MYOCD: variants seen among roughly 807,000 people sequenced by gnomAD.
MYOCD encodes myocardin.
A neutral mutation model predicts 96.1 loss-of-function variants in MYOCD; 32 were observed. That is an observed-to-expected ratio of 0.33 (90% CI 0.25 to 0.45). The LOEUF (loss-of-function observed/expected upper bound fraction) is 0.45, where lower values mean the gene tolerates loss of function less well. Among genes scored for constraint, MYOCD ranks in the 20% least tolerant of loss-of-function variants. MYOCD has a pLI of 1.00. For synonymous variants in MYOCD, 469 were observed against 469.0 expected (o/e 1.00, Z 0.00); for missense variants, 1,133 against 1,200.6 (o/e 0.94, Z 0.83).
intron 9 of MYOCD, among the ~76,000 whole-genome samples, chr17:12,750,725 T>A (rs890069943): frequency 1.4e-5 from 2 of 147,604 alleles, no homozygotes; most frequent in South Asian, 2.2e-4. Flanking sequence ...GCTACTTAAC[T>A]AACACAAAGT....
At chr17:12,747,939 C>T (rs1180553285) in intron 9 of MYOCD, among the ~76,000 whole-genome samples, 5 of 149,138 alleles carry the variant, frequency 3.4e-5, no homozygotes, top group South Asian at 2.1e-4. Flanking sequence ...CTGCGGTAGG[C>T]GGATCATGAA....
chr17:12,736,935 C>T (rs2032363502), intron 6 of MYOCD, among the ~76,000 whole-genome samples: 1 of 152,190 alleles, frequency 6.6e-6, no homozygotes, highest in Non-Finnish European at 1.5e-5. Context: ...ATTGAGAATA[C>T]TCTTAAAGCA....
rs545292676 is a variant in MYOCD at position 12,711,191 on chromosome 17, T to TA, written c.122-4320dup. 4.1e-4 allele frequency among the ~76,000 whole-genome samples: 63 copies of TA among 152,092 alleles called. 2 individuals are homozygous for TA. The highest frequency in any genetic ancestry group is 9.6e-5 in the African/African-American group (4 of 41,496). On this transcript the variant is annotated intron_variant, in intron 2 of 13. Transcript: ENST00000425538. ...CTCCAAAGCATTATCATTATATATA[T>TA]AAAAAAAATTCTCATGACCCAATTT...
chr17:12,744,596 C>A (rs560628776), intron 8 of MYOCD, among the ~76,000 whole-genome samples, 160 bp downstream of exon 8: 1 of 152,300 alleles, frequency 6.6e-6, no homozygotes, highest in Non-Finnish European at 1.5e-5. Flanking sequence ...ACTATGCACA[C>A]CTTTTCAGAG....
intron 11 of MYOCD, among the ~76,000 whole-genome samples, chr17:12,756,864 G>GA (rs1567602040): frequency 3.4e-4 from 52 of 152,170 alleles, no homozygotes; most frequent in African/African-American, 1.2e-3. Flanking sequence ...TCCCTTTCAA[G>GA]GCAGAAGTAA....
rs769021386 is a variant in MYOCD, at chr17:12,665,931, T to C, written c.-258T>C. ...TGACATCAGACAGGAACGCCTGGGA[T>C]GCCGCGCTGCTCCTGGCCAACCTCC... On this transcript the variant is annotated 5_prime_UTR_variant, in exon 1 of 14. The change abolishes an upstream ATG in the 5' untranslated region. Transcript: ENST00000425538. This position sits in a 1 kb window ranked among gnomAD's most constrained non-coding sequence, Gnocchi z 4.2. 68 of 519,550 alleles carry C rather than the reference T, an allele frequency of 1.3e-4. No homozygotes were observed. Among genetic ancestry groups the C allele is most frequent in the Non-Finnish European group, 1.7e-4 (51 of 292,040 alleles). 32.2% of individuals were successfully genotyped at this position (519,550 alleles called of 1,614,324 possible).
chr17:12,681,110 C>T (rs563816987), intron 1 of MYOCD, among the ~76,000 whole-genome samples: 19 of 152,314 alleles, frequency 1.2e-4, no homozygotes, highest in African/African-American at 4.3e-4. Flanking sequence ...GGGACTTGAT[C>T]TCATGCACCT....
chr17:12,700,559 A>G (rs138793434), intron 1 of MYOCD, among the ~76,000 whole-genome samples: 3,247 of 149,286 alleles, frequency 0.022, 148 homozygotes, highest in Admixed American at 0.11. Context: ...GACTACAGGC[A>G]CCCCCCACCA....
Position 12,715,587 on chromosome 17 carries a change from A to G in MYOCD, c.177+13A>G. ...GGATAGTGACAAGGTAATTTTTGCAAATTTCTTGACCCAAGCTTAGACTAT... is the reference window on the plus strand; with the variant it reads ...GGATAGTGACAAGGTAATTTTTGCAGATTTCTTGACCCAAGCTTAGACTAT... On this transcript the variant is annotated intron_variant, in intron 3 of 13. Transcript: ENST00000425538. 1 of 1,610,214 alleles carries G rather than the reference A, an allele frequency of 6.2e-7. No individual in the cohort carries two copies. Among genetic ancestry groups the G allele is most frequent in the Non-Finnish European group, 8.5e-7 (1 of 1,176,808 alleles).
Position 12,763,781 on chromosome 17 carries a change from A to G in MYOCD, c.*137A>G. 1 of 792,568 alleles carries G rather than the reference A, an allele frequency of 1.3e-6. No individual in the cohort carries two copies. Among genetic ancestry groups the G allele is most frequent in the African/African-American group, 1.7e-5 (1 of 57,208 alleles). 49.1% of individuals were successfully genotyped at this position (792,568 alleles called of 1,614,324 possible). On this transcript the variant is annotated 3_prime_UTR_variant, in exon 14 of 14. Coordinates refer to ENST00000425538, the MANE Select transcript of MYOCD (RefSeq NM_001146312.3). Reference sequence around the variant, plus strand: ...GAAGCAATGATTTCTGTGCCAATGAACAAGAACAAAAGTCATTTTTAGAAA... The same window carrying G: ...GAAGCAATGATTTCTGTGCCAATGAGCAAGAACAAAAGTCATTTTTAGAAA...
Position 12,752,589 on chromosome 17 carries a change from A to G in MYOCD, c.1301A>G (p.Gln434Arg), listed in dbSNP as rs764329917. 2 of 1,614,054 alleles carry G rather than the reference A, an allele frequency of 1.2e-6. No individual in the cohort carries two copies. Among genetic ancestry groups the G allele is most frequent in the Non-Finnish European group, 1.7e-6 (2 of 1,180,006 alleles). ...PVTPNTLPNY[Q>R]SSSSTSALSN... ...ACACCCAACACGCTGCCCAATTACC[A>G]GTCTTCCTCTTCTACCAGTGCCCTG... Residue 434 changes from glutamine to arginine, a missense_variant, in exon 10 of 14, where the codon CAG becomes CGG. By Grantham distance (43) the Gln-to-Arg change is conservative (BLOSUM62 1). Transcript: ENST00000425538.
chr17:12,760,835 C>A, intron 13 of MYOCD, 128 bp downstream of exon 13: 2 of 757,076 alleles, frequency 2.6e-6, no homozygotes, highest in South Asian at 1.6e-5. Context: ...CAGGGAGAGC[C>A]ATTTCCTTTG....
At position 12,758,068 on chromosome 17, in the gene MYOCD, A is replaced by C. The variant is rs1481922136; in HGVS notation, c.2203-17A>C. On this transcript the variant is annotated splice_polypyrimidine_tract_variant and intron_variant, in intron 11 of 13. Transcript: ENST00000425538. The stretch of plus-strand genomic sequence containing the variant: ...ATCCATGAATTCAATGCCTTTCTTC[A>C]TATTTTACCCATGCAGATGGCTGGT... The C allele has an allele frequency of 6.4e-7, 1 of 1,563,528 alleles. No homozygotes were observed. The highest frequency in any genetic ancestry group is 1.7e-5 in the Admixed American group (1 of 59,894).
At chr17:12,750,547 G>T (rs1025121762) in intron 9 of MYOCD, among the ~76,000 whole-genome samples, 3 of 151,976 alleles carry the variant, frequency 2.0e-5, no homozygotes, top group African/African-American at 7.2e-5. Context: ...AAATTAGCCC[G>T]GTGTGGTGGT....
intron 13 of MYOCD, 45 bp from the exon 14 acceptor site, chr17:12,763,028 T>G: frequency 6.6e-7 from 1 of 1,505,954 alleles, no homozygotes; most frequent in Non-Finnish European, 9.0e-7. Flanking sequence ...TGTGGCATGC[T>G]CAATTTGAAG....
rs1324482542 is a variant in MYOCD, at chr17:12,763,387, C to T, written c.2704C>T (p.His902Tyr). ...GGCTGCAGAAGACCTCTTCAATGCA[C>T]ATGAGATCTTGCCAGGCCCCCTCTC... The part of the protein sequence containing the change: ...GKAAEDLFNA[H>Y]EILPGPLSPM... The change falls in exon 14 of 14, where the codon CAT becomes TAT. Residue 902 changes from histidine (H) to tyrosine (Y), a missense_variant. Coordinates refer to ENST00000425538, the MANE Select transcript of MYOCD (RefSeq NM_001146312.3). 6.2e-7 allele frequency: 1 copy of T among 1,602,560 alleles called. No homozygotes were observed. Among genetic ancestry groups the T allele is most frequent in the Non-Finnish European group, 8.5e-7 (1 of 1,173,580 alleles).
At chr17:12,695,840 C>T (rs1366948349) in intron 1 of MYOCD, among the ~76,000 whole-genome samples, 2 of 150,392 alleles carry the variant, frequency 1.3e-5, no homozygotes, top group Non-Finnish European at 3.0e-5. Flanking sequence ...AAACTATAAC[C>T]CCCCATTCTC....
intron 1 of MYOCD, among the ~76,000 whole-genome samples, chr17:12,693,468 G>C (rs1238563244): frequency 2.0e-5 from 3 of 151,906 alleles, no homozygotes; most frequent in Non-Finnish European, 2.9e-5. Context: ...AAATGAGCTG[G>C]ACATGATGGT....
chr17:12,747,892 G>A (rs12452783), intron 9 of MYOCD, among the ~76,000 whole-genome samples: 3,745 of 151,058 alleles, frequency 0.025, 158 homozygotes, highest in East Asian at 0.19. Context: ...CTGGCTGGGC[G>A]TGGTGGCTCA....
Sources: allele counts gnomAD v4.1 joint callset (sites outside exome capture counted in the v4.1 genomes callset), GRCh38; gene constraint gnomAD v4.1.1; non-coding constraint Gnocchi (gnomAD v3.1); transcripts MANE v1.5; gene names NCBI Gene and HGNC (gene_info 2026-07-23, HGNC 2026-07-21).